The following RSBN1 variants were observed in gnomAD, a reference collection of about 807,000 sequenced individuals.
The protein encoded by RSBN1 is lysine-specific demethylase 9.
A neutral mutation model predicts 74.8 loss-of-function variants in RSBN1; 23 were observed. The ratio of observed to expected loss-of-function variants is 0.31; its 90% confidence interval spans 0.22 to 0.44. The LOEUF is 0.44. RSBN1 is among the 20% of genes least tolerant of loss of function. The pLI is 1.00. For missense variants in RSBN1, 808 were observed against 1,020.9 expected, an observed-to-expected ratio of 0.79 and a Z score of 2.84; for synonymous variants, 407 against 379.6, an observed-to-expected ratio of 1.07 and a Z score of -0.84.
intron 6 of RSBN1, 85 bp downstream of exon 6, chr1:113,767,014 C>A: frequency 2.4e-5 from 16 of 667,992 alleles, no homozygotes; most frequent in Admixed American, 6.1e-5. Flanking sequence ...TCCCACATAT[C>A]AGACTGTAAG....
At position 113,766,292 on chromosome 1, in the gene RSBN1, T is replaced by A. The variant is rs1298373166; in HGVS notation, c.2097A>T (p.Ile699=). 3 of 1,614,130 alleles carry A rather than the reference T, an allele frequency of 1.9e-6. No homozygotes were observed. Among genetic ancestry groups the A allele is most frequent in the Non-Finnish European group, 2.5e-6 (3 of 1,179,968 alleles). Residue 699 remains isoleucine (I), a synonymous_variant, in exon 7 of 7, where the codon ATA becomes ATT. Coordinates refer to ENST00000261441, the MANE Select transcript of RSBN1 (RefSeq NM_018364.5). ...VSAVCSLAWH[I]RLKQYHPVVE... is the part of the protein sequence containing the mutation. ...CAACAGGGTGGTACTGTTTAAGCCT[T>A]ATATGCCAGGCTAAGCTGCACACCG...
At chr1:113,788,240 G>T (rs2101808934) in intron 2 of RSBN1, among the ~76,000 whole-genome samples, 1 of 151,938 alleles carries the variant, frequency 6.6e-6, no homozygotes, top group East Asian at 1.9e-4. Flanking sequence ...GAATCGGGAG[G>T]CCTAATATAC....
chr1:113,765,821 T>A lies in RSBN1; in HGVS notation c.*159A>T. 1 of 623,704 alleles carries A rather than the reference T, an allele frequency of 1.6e-6. No individual in the cohort carries two copies. Among genetic ancestry groups the A allele is most frequent in the Non-Finnish European group, 2.8e-6 (1 of 360,486 alleles). The allele number at this position is 623,704 out of a possible 1,614,324, so 38.6% of individuals were successfully genotyped here. A position where few individuals can be genotyped will look rare whatever the true frequency, so the allele number is the denominator to read the frequency against. On this transcript the variant is annotated 3_prime_UTR_variant, in exon 7 of 7. Coordinates refer to ENST00000261441, the MANE Select transcript of RSBN1 (RefSeq NM_018364.5). ...ATACAACTCTTAACTTTGCATAATCTGTGTAAAAAAGATATGCTTGACATT... is the reference window on the plus strand; with the variant it reads ...ATACAACTCTTAACTTTGCATAATCAGTGTAAAAAAGATATGCTTGACATT...
intron 4 of RSBN1, among the ~76,000 whole-genome samples, chr1:113,771,469 T>C (rs780807513): frequency 3.3e-5 from 5 of 151,810 alleles, no homozygotes; most frequent in Non-Finnish European, 5.9e-5. Flanking sequence ...AAGCCTTCTA[T>C]AGGCAGAACA....
chr1:113,809,376 C>T (rs750195010), intron 1 of RSBN1, among the ~76,000 whole-genome samples: 99 of 152,256 alleles, frequency 6.5e-4, no homozygotes, highest in Non-Finnish European at 7.4e-5. Flanking sequence ...AGTGTTAGAG[C>T]CATGATTTAA....
chr1:113,764,410 TTGC>T lies in RSBN1; in HGVS notation c.*1567_*1569del, dbSNP rs1237913146. 1 of 152,710 alleles carries T rather than the reference TTGC, an allele frequency of 6.5e-6. No individual in the cohort carries two copies. The highest frequency in any genetic ancestry group is 2.4e-5 in the African/African-American group (1 of 41,456). The allele number at this position is 152,710 out of a possible 1,614,324, so 9.5% of individuals were successfully genotyped here. A position where few individuals can be genotyped will look rare whatever the true frequency, so the allele number is the denominator to read the frequency against. ...AGATTCTAACTAATCACTGCAGTAT[TTGC>T]TGATGGTTACTTTTCTATCGGTTTA... On this transcript the variant is annotated 3_prime_UTR_variant, in exon 7 of 7. Coordinates refer to ENST00000261441, the MANE Select transcript of RSBN1 (RefSeq NM_018364.5).
At chr1:113,802,399 A>T (rs568280438) in intron 1 of RSBN1, among the ~76,000 whole-genome samples, 2 of 151,980 alleles carry the variant, frequency 1.3e-5, no homozygotes, top group African/African-American at 4.8e-5. Flanking sequence ...CTTACATCTT[A>T]TTATTCATGA....
At chr1:113,785,700 G>A (rs1304731544) in intron 2 of RSBN1, among the ~76,000 whole-genome samples, 1 of 152,218 alleles carries the variant, frequency 6.6e-6, no homozygotes, top group Non-Finnish European at 1.5e-5. Flanking sequence ...ATGGGATCCT[G>A]ATCCGGGGAA....
intron 2 of RSBN1, among the ~76,000 whole-genome samples, chr1:113,780,549 C>T (rs945210438): frequency 1.3e-5 from 2 of 152,116 alleles, no homozygotes; most frequent in Non-Finnish European, 2.9e-5. Flanking sequence ...AAGAGGAAGG[C>T]GGGAGCAACA....
intron 2 of RSBN1, among the ~76,000 whole-genome samples, chr1:113,789,112 T>C (rs924539573): frequency 6.6e-6 from 1 of 152,128 alleles, no homozygotes; most frequent in Non-Finnish European, 1.5e-5. Context: ...AGGGCGGGGC[T>C]GGTCACCTGA....
Position 113,797,393 on chromosome 1 carries a change from T to C in RSBN1, c.1347A>G (p.Glu449=). Residue 449 remains glutamate, a synonymous_variant, in exon 2 of 7, where the codon GAA becomes GAG. Transcript: ENST00000261441. ...TGTGAAAATTTGAAATGGTGGTTGTTTCAATATCTTTCTTGCCCAGAATTT... is the reference window on the plus strand; with the variant it reads ...TGTGAAAATTTGAAATGGTGGTTGTCTCAATATCTTTCTTGCCCAGAATTT... ...KMEILGKKDI[E]TTTISNFHTQ... The C allele has an allele frequency of 1.2e-6, 2 of 1,609,356 alleles. No individual in the cohort carries two copies. The highest frequency in any genetic ancestry group is 8.5e-7 in the Non-Finnish European group (1 of 1,178,596).
chr1:113,799,373 G>A (rs1242091385), intron 1 of RSBN1, among the ~76,000 whole-genome samples: 1 of 152,054 alleles, frequency 6.6e-6, no homozygotes, highest in Non-Finnish European at 1.5e-5. Context: ...AATTGTACAA[G>A]AAAAAGAAAG....
At chr1:113,773,434 G>T (rs974687781) in intron 4 of RSBN1, among the ~76,000 whole-genome samples, 3 of 152,114 alleles carry the variant, frequency 2.0e-5, no homozygotes, top group Non-Finnish European at 1.5e-5. Context: ...TGAGGCATGA[G>T]ATCACTTGAA....
chr1:113,776,810 CAAAAA>C (rs58152175), intron 4 of RSBN1, among the ~76,000 whole-genome samples: 1 of 90,256 alleles, frequency 1.1e-5, no homozygotes, highest in Non-Finnish European at 2.2e-5. Flanking sequence ...GACCCTATCT[CAAAAA>C]AAAAAAAAAA....
chr1:113,783,854 G>A (rs1255077495), intron 2 of RSBN1, among the ~76,000 whole-genome samples: 3 of 152,266 alleles, frequency 2.0e-5, no homozygotes, highest in East Asian at 3.9e-4. Flanking sequence ...TGCTTACCTC[G>A]GGACTGCTAA....
In RSBN1 at chr1:113,797,393, T is replaced by A; in HGVS notation, c.1347A>T (p.Glu449Asp). The A allele has an allele frequency of 6.2e-7, 1 of 1,609,356 alleles. No individual in the cohort carries two copies. The highest frequency in any genetic ancestry group is 1.1e-5 in the South Asian group (1 of 90,388). ...TGTGAAAATTTGAAATGGTGGTTGT[T>A]TCAATATCTTTCTTGCCCAGAATTT... Reference protein sequence around the residue: ...KMEILGKKDIETTTISNFHTQ... With the variant: ...KMEILGKKDIDTTTISNFHTQ... The change falls in exon 2 of 7, where the codon GAA becomes GAT. Residue 449 changes from glutamate to aspartate, a missense_variant. By Grantham distance (45) the Glu-to-Asp change is conservative (BLOSUM62 2). Coordinates refer to ENST00000261441, the MANE Select transcript of RSBN1 (RefSeq NM_018364.5).
intron 1 of RSBN1, among the ~76,000 whole-genome samples, chr1:113,808,561 C>T (rs1237910293): frequency 6.6e-6 from 1 of 152,030 alleles, no homozygotes; most frequent in African/African-American, 2.4e-5. Flanking sequence ...CTATAATAGC[C>T]AAAAACTAGA....
At chr1:113,787,312 TAA>T (rs1336669321) in intron 2 of RSBN1, among the ~76,000 whole-genome samples, 4 of 152,174 alleles carry the variant, frequency 2.6e-5, no homozygotes, top group Non-Finnish European at 5.9e-5. Flanking sequence ...ATATCAAGGC[TAA>T]AATCCCAGAT....
At chr1:113,768,052 CA>C in intron 5 of RSBN1, 169 bp downstream of exon 5, 1 of 493,088 alleles carries the variant, frequency 2.0e-6, no homozygotes, top group Admixed American at 3.8e-5. Flanking sequence ...TGTTTCGTAA[CA>C]ATGTAAAGAT....
Sources: allele counts gnomAD v4.1 joint callset (sites outside exome capture counted in the v4.1 genomes callset), GRCh38; gene constraint gnomAD v4.1.1; transcripts MANE v1.5; gene names NCBI Gene and HGNC (gene_info 2026-07-23, HGNC 2026-07-21).